DNAH11: variants seen among roughly 807,000 people sequenced by gnomAD.
DNAH11 encodes the protein dynein axonemal heavy chain 11, also known as axonemal beta dynein heavy chain 11.
In DNAH11, 442 loss-of-function variants were observed where a neutral mutation model predicts 526.0. The ratio of observed to expected loss-of-function variants is 0.84; its 90% CI spans 0.78 to 0.91. The LOEUF (loss-of-function observed/expected upper bound fraction) is 0.91, where lower values mean the gene tolerates loss of function less well. Among genes scored for constraint, DNAH11 ranks in the 40% least tolerant of loss-of-function variants. The probability of loss-of-function intolerance (pLI) is 0.00; values close to 1 mark genes in which losing one functional copy is unlikely to be tolerated. For synonymous variants in DNAH11, 2,461 were observed against 1,935.9 expected (o/e 1.27, Z -7.12); for missense variants, 6,989 against 5,448.7 (o/e 1.28, Z -8.90).
At chr7:21,568,618 T>C (rs556259477) in intron 6 of DNAH11, among the ~76,000 whole-genome samples, 20 of 152,290 alleles carry the variant, frequency 1.3e-4, no homozygotes, top group Non-Finnish European at 2.2e-4. Flanking sequence ...CAGTGGGCTG[T>C]ATGAACAGGA....
intron 65 of DNAH11, among the ~76,000 whole-genome samples, chr7:21,841,234 A>G (rs996948283): frequency 2.0e-5 from 3 of 152,024 alleles, no homozygotes; most frequent in Non-Finnish European, 4.4e-5. Context: ...CTTTATAAAA[A>G]TAAAATATTT....
At chr7:21,641,580 A>C (rs978455313) in intron 28 of DNAH11, among the ~76,000 whole-genome samples, 4 of 152,192 alleles carry the variant, frequency 2.6e-5, no homozygotes, top group African/African-American at 9.7e-5. Flanking sequence ...AACTCTGTTC[A>C]CCCTCCTTTT....
At chr7:21,837,157 G>T (rs925941211) in intron 65 of DNAH11, among the ~76,000 whole-genome samples, 1 of 152,146 alleles carries the variant, frequency 6.6e-6, no homozygotes, top group Non-Finnish European at 1.5e-5. Context: ...ATGTAAATCG[G>T]TATAGCCATT....
chr7:21,774,550 G>A (rs1456683845), intron 56 of DNAH11, among the ~76,000 whole-genome samples: 1 of 152,172 alleles, frequency 6.6e-6, no homozygotes, highest in Non-Finnish European at 1.5e-5. Context: ...ATCATCACAG[G>A]ATGTTAATCA....
Position 21,687,414 on chromosome 7 carries a change from G to A in DNAH11, c.5811G>A (p.Gln1937=). The change falls in exon 34 of 82, where the codon CAG becomes CAA. Residue 1937 remains glutamine (Q), a synonymous_variant. Transcript: ENST00000409508. ...GCAATATCTATAAGGGATTGGTGCA[G>A]ACAGGAGCTTGGGGCTGCTTTGATG... ...SIGNIYKGLV[Q]TGAWGCFDEF... 3 of 1,613,982 alleles carry A rather than the reference G, an allele frequency of 1.9e-6. No homozygotes were observed. Among genetic ancestry groups the A allele is most frequent in the Non-Finnish European group, 2.5e-6 (3 of 1,179,916 alleles).
At chr7:21,620,956 G>A (rs1239771032) in intron 25 of DNAH11, among the ~76,000 whole-genome samples, 3 of 152,016 alleles carry the variant, frequency 2.0e-5, no homozygotes, top group Admixed American at 6.6e-5. Context: ...GCTTAATCCA[G>A]TCTATCCTCG....
At chr7:21,761,111 A>G (rs1479609348) in intron 54 of DNAH11, among the ~76,000 whole-genome samples, 1 of 152,226 alleles carries the variant, frequency 6.6e-6, no homozygotes, top group East Asian at 1.9e-4. Flanking sequence ...CTGTCTTAGA[A>G]AAGAGCAGAA....
At chr7:21,743,095 T>A (rs2906692) in intron 49 of DNAH11, among the ~76,000 whole-genome samples, 1 of 152,180 alleles carries the variant, frequency 6.6e-6, no homozygotes, top group South Asian at 2.1e-4. Context: ...TTAATATTGT[T>A]ACATGGGCAA....
At chr7:21,675,256 C>T (rs969026529) in intron 30 of DNAH11, among the ~76,000 whole-genome samples, 2 of 152,190 alleles carry the variant, frequency 1.3e-5, no homozygotes, top group Non-Finnish European at 2.9e-5. Flanking sequence ...CTTACACACC[C>T]CTCCTTCCTA....
At chr7:21,848,074 G>C (rs893665480) in intron 66 of DNAH11, among the ~76,000 whole-genome samples, 1 of 151,686 alleles carries the variant, frequency 6.6e-6, no homozygotes, top group Non-Finnish European at 1.5e-5. Context: ...GGCTGAGGCA[G>C]GAGAATGGCG....
Position 21,745,357 on chromosome 7 carries a change from A to T in DNAH11, c.8510+294A>T, listed in dbSNP as rs553183100. Among the ~76,000 whole-genome samples the T allele has an allele frequency of 2.0e-5, 3 of 152,232 alleles. No individual in the cohort carries two copies. In the South Asian group the frequency reaches 6.2e-4, roughly 31 times the overall value. ...TCACATAGTTCATAAGGGACAAAGG[A>T]CTAATTTTCATTGATTAAGCAGGTT... On this transcript the variant is annotated intron_variant, in intron 51 of 81. Coordinates refer to ENST00000409508, the MANE Select transcript of DNAH11 (RefSeq NM_001277115.2).
chr7:21,790,677 G>T (rs779345216), intron 61 of DNAH11, among the ~76,000 whole-genome samples: 3 of 152,166 alleles, frequency 2.0e-5, no homozygotes, highest in Non-Finnish European at 2.9e-5. Context: ...GAACCACCAG[G>T]ATAACTAGGA....
At chr7:21,743,546 CTT>C (rs1355689075) in intron 49 of DNAH11, among the ~76,000 whole-genome samples, 1 of 152,124 alleles carries the variant, frequency 6.6e-6, no homozygotes. Flanking sequence ...CATAGGACCT[CTT>C]TATATTTTTG....
intron 28 of DNAH11, among the ~76,000 whole-genome samples, chr7:21,646,929 A>G (rs1787380670): frequency 6.6e-6 from 1 of 152,222 alleles, no homozygotes; most frequent in Admixed American, 6.5e-5. Context: ...GCATTGCATT[A>G]AAGTTTACTG....
At chr7:21,892,055 A>C (rs1005841741) in intron 76 of DNAH11, among the ~76,000 whole-genome samples, 1 of 152,130 alleles carries the variant, frequency 6.6e-6, no homozygotes, top group Non-Finnish European at 1.5e-5. Context: ...AATTCACATC[A>C]GAGTCTTGAT....
At position 21,724,079 on chromosome 7, in the gene DNAH11, T is replaced by G. The variant is rs548068540; in HGVS notation, c.7267-1732T>G. On this transcript the variant is annotated intron_variant, in intron 44 of 81. Transcript: ENST00000409508. Reference sequence around the variant, plus strand: ...ACAGATGCGTTTTAGTTGAATTAATTAATGAATGAAAGATTTGTCACCAAA... The same window carrying G: ...ACAGATGCGTTTTAGTTGAATTAATGAATGAATGAAAGATTTGTCACCAAA... Among the ~76,000 whole-genome samples, 43 of 152,326 alleles carry G rather than the reference T, an allele frequency of 2.8e-4. No homozygotes were observed. The South Asian group carries it at 6.2e-3, about 22-fold the overall frequency.
intron 44 of DNAH11, among the ~76,000 whole-genome samples, chr7:21,724,412 T>C (rs894878595): frequency 3.9e-5 from 6 of 152,206 alleles, no homozygotes; most frequent in Non-Finnish European, 5.9e-5. Flanking sequence ...TAGGCCATAA[T>C]CCAATGACAT....
intron 76 of DNAH11, among the ~76,000 whole-genome samples, chr7:21,891,686 G>A (rs547522244): frequency 1.3e-5 from 2 of 152,202 alleles, no homozygotes; most frequent in East Asian, 1.9e-4. Context: ...AGATGGGCAC[G>A]ATAAAAGCCC....
At chr7:21,662,971 C>T (rs1327520094) in intron 30 of DNAH11, among the ~76,000 whole-genome samples, 1 of 151,986 alleles carries the variant, frequency 6.6e-6, no homozygotes, top group African/African-American at 2.4e-5. Flanking sequence ...TCATCATCCA[C>T]CCCTTACCAC....
Sources: gnomAD v4.1 joint callset for allele counts (sites outside exome capture counted in the v4.1 genomes callset) on GRCh38, gnomAD v4.1.1 for gene constraint, MANE v1.5 for transcripts, NCBI Gene and HGNC (gene_info 2026-07-23, HGNC 2026-07-21) for gene names.